LRRC27: variants seen among roughly 807,000 people sequenced by gnomAD.
The protein encoded by LRRC27 is leucine rich repeat containing 27.
A neutral mutation model predicts 55.0 loss-of-function variants in LRRC27; 57 were observed. The observed-to-expected ratio is 1.04, with a 90% confidence interval of 0.84 to 1.29. LRRC27 has a LOEUF of 1.29. Ranked by LOEUF, LRRC27 falls within the 50% of genes most tolerant of loss-of-function variation. The pLI, the probability that LRRC27 is intolerant of heterozygous loss-of-function variation, is 0.00. For synonymous variants in LRRC27, 278 were observed against 251.9 expected (o/e 1.10, Z -0.98); for missense variants, 721 against 651.5 (o/e 1.11, Z -1.16).
chr10:132,335,474 A>AT (rs138327237), intron 2 of LRRC27, among the ~76,000 whole-genome samples: 1,491 of 141,736 alleles, frequency 0.011, 32 homozygotes, highest in African/African-American at 0.04. Context: ...GCTGAGTACT[A>AT]TGGGGGGGGG....
Position 132,335,477 on chromosome 10 carries a change from G to T in LRRC27, c.210+1743G>T, listed in dbSNP as rs372539015. Among the ~76,000 whole-genome samples, 534 of 146,796 alleles carry T rather than the reference G, an allele frequency of 3.6e-3. 10 individuals are homozygous for T. Among genetic ancestry groups the T allele is most frequent in the Admixed American group, 0.03 (448 of 14,730 alleles). Reference sequence around the variant, plus strand: ...AGATCCTCAGAGGCTGAGTACTATGGGGGGGGGTCACAGTCTTCCTGGATG... The same window carrying T: ...AGATCCTCAGAGGCTGAGTACTATGTGGGGGGGTCACAGTCTTCCTGGATG... On this transcript the variant is annotated intron_variant, in intron 2 of 10. Coordinates refer to ENST00000368614, the MANE Select transcript of LRRC27 (RefSeq NM_030626.3).
intron 7 of LRRC27, 120 bp downstream of exon 7, chr10:132,351,873 C>A: frequency 8.4e-7 from 1 of 1,193,382 alleles, no homozygotes; most frequent in Non-Finnish European, 1.2e-6. Flanking sequence ...CTCACTGATG[C>A]TGATCCAGGA....
At chr10:132,339,562 G>T (rs1364020398) in intron 3 of LRRC27, among the ~76,000 whole-genome samples, 6 of 152,206 alleles carry the variant, frequency 3.9e-5, no homozygotes, top group Admixed American at 3.9e-4. Context: ...CCAGCCGCTT[G>T]TGTTTTGGGA....
intron 2 of LRRC27, 53 bp downstream of exon 2, chr10:132,333,787 A>G: frequency 7.3e-7 from 1 of 1,368,668 alleles, no homozygotes; most frequent in Non-Finnish European, 1.0e-6. Flanking sequence ...TATAGACAGA[A>G]ATGGGAATGT....
upstream of LRRC27, chr10:132,331,726 G>A (rs746061158): frequency 2.2e-5 from 36 of 1,612,260 alleles, no homozygotes; most frequent in African/African-American, 4.1e-4. Flanking sequence ...TCCCCAGACG[G>A]CACTTAGCAT....
At chr10:132,364,469 A>AT in intron 9 of LRRC27, among the ~76,000 whole-genome samples, 1 of 120,732 alleles carries the variant, frequency 8.3e-6, no homozygotes, top group African/African-American at 3.5e-5. Flanking sequence ...ACCCACCCAC[A>AT]CTTACACCCA....
At chr10:132,369,034 C>T (rs1181567700) in intron 10 of LRRC27, among the ~76,000 whole-genome samples, 1 of 152,182 alleles carries the variant, frequency 6.6e-6, no homozygotes, top group East Asian at 1.9e-4. Flanking sequence ...GATGGCAGAT[C>T]AGCATGTGAA....
intron 4 of LRRC27, among the ~76,000 whole-genome samples, chr10:132,344,056 A>G (rs1041823739): frequency 3.3e-5 from 5 of 152,128 alleles, no homozygotes; most frequent in Non-Finnish European, 5.9e-5. Context: ...ACATATTTAA[A>G]TGGTTGCTTT....
chr10:132,365,128 T>C (rs139017435), intron 9 of LRRC27, among the ~76,000 whole-genome samples: 3 of 152,394 alleles, frequency 2.0e-5, no homozygotes, highest in African/African-American at 4.8e-5. Flanking sequence ...AAATGTGTCA[T>C]ATCTTAAATC....
At position 132,375,306 on chromosome 10, in the gene LRRC27, C is replaced by T. The variant is rs992765485; in HGVS notation, c.*64C>T. On this transcript the variant is annotated 3_prime_UTR_variant, in exon 11 of 11. Coordinates refer to ENST00000368614, the MANE Select transcript of LRRC27 (RefSeq NM_030626.3). ...GAGCCGCTCAGTCTTCTTTCCCGGG[C>T]GTCGCCTCCTGTGTGGTGCCGGAAG... is the stretch of plus-strand genomic sequence containing the variant. The T allele has an allele frequency of 4.0e-5, 60 of 1,489,008 alleles. 1 individual carries two copies. The South Asian group carries it at 6.5e-4, about 16-fold the overall frequency. The allele number at this position is 1,489,008 out of a possible 1,614,324, so 92.2% of individuals were successfully genotyped here. A position where few individuals can be genotyped will look rare whatever the true frequency, so the allele number is the denominator to read the frequency against.
chr10:132,357,852 C>T (rs1038019741), intron 8 of LRRC27, among the ~76,000 whole-genome samples: 20 of 152,196 alleles, frequency 1.3e-4, no homozygotes, highest in Admixed American at 7.2e-4. Flanking sequence ...GCCCTGCCCA[C>T]GGGAGCGCGC....
At chr10:132,359,726 T>A (rs1300710310) in intron 8 of LRRC27, among the ~76,000 whole-genome samples, 2 of 152,264 alleles carry the variant, frequency 1.3e-5, no homozygotes, top group Non-Finnish European at 2.9e-5. Context: ...TGTGGCTGGG[T>A]GAAGCCTGGG....
At position 132,348,875 on chromosome 10, in the gene LRRC27, G is replaced by A. The variant is rs146952484; in HGVS notation, c.926+519G>A. 7 of 879,946 alleles carry A rather than the reference G, an allele frequency of 8.0e-6. No individual in the cohort carries two copies. The African/African-American group carries it at 1.0e-4, about 13-fold the overall frequency. The allele number at this position is 879,946 out of a possible 1,614,324, so 54.5% of individuals were successfully genotyped here. On this transcript the variant is annotated intron_variant, in intron 6 of 10. Transcript: ENST00000368614. The surrounding 1 kb of genome is among the most constrained non-coding windows in gnomAD (Gnocchi z 4.2). ...GCTGCCTGGGGACAAAAGGAAGGCA[G>A]TCATTGTGTGGCCCACTTCCAAAGC...
chr10:132,334,607 T>A (rs1395133588), intron 2 of LRRC27, among the ~76,000 whole-genome samples: 1 of 152,228 alleles, frequency 6.6e-6, no homozygotes, highest in Non-Finnish European at 1.5e-5. Flanking sequence ...GCTTAAGTTA[T>A]AAACTCTACA....
chr10:132,360,637 C>T (rs908777888), intron 8 of LRRC27, among the ~76,000 whole-genome samples: 2 of 152,028 alleles, frequency 1.3e-5, no homozygotes, highest in Non-Finnish European at 2.9e-5. Flanking sequence ...CAGGCATGTA[C>T]TAGGATTAAA....
rs548810345 is a variant in LRRC27, at chr10:132,374,232, T to C, written c.1417-834T>C. Among the ~76,000 whole-genome samples the C allele has an allele frequency of 4.0e-5, 6 of 148,990 alleles. No homozygotes were observed. The East Asian group carries it at 1.2e-3, about 30-fold the overall frequency. On this transcript the variant is annotated intron_variant, in intron 10 of 10. Transcript: ENST00000368614. This position sits in a 1 kb window ranked among gnomAD's most constrained non-coding sequence, Gnocchi z 4.4. Reference sequence around the variant, plus strand: ...TGGCTCCAGGGACCTGCTGTGATTATGTCTGTATGGGGCGGGGAGGCTGCA... The same window carrying C: ...TGGCTCCAGGGACCTGCTGTGATTACGTCTGTATGGGGCGGGGAGGCTGCA...
At chr10:132,336,846 G>A in intron 2 of LRRC27, 1 of 746,040 alleles carries the variant, frequency 1.3e-6, no homozygotes, top group Non-Finnish European at 2.5e-6. Context: ...TAAACAACTA[G>A]CAGCATTAAT....
chr10:132,368,110 C>T (rs1443940034), intron 10 of LRRC27, among the ~76,000 whole-genome samples: 1 of 151,992 alleles, frequency 6.6e-6, no homozygotes, highest in Non-Finnish European at 1.5e-5. Flanking sequence ...TAAATTAGCA[C>T]CAAAACAATG....
At position 132,372,988 on chromosome 10, in the gene LRRC27, C is replaced by T. The variant is rs1254015454; in HGVS notation, c.1417-2078C>T. Among the ~76,000 whole-genome samples, 2 of 152,050 alleles carry T rather than the reference C, an allele frequency of 1.3e-5. No individual in the cohort carries two copies. Among genetic ancestry groups the T allele is most frequent in the African/African-American group, 2.4e-5 (1 of 41,382 alleles). On this transcript the variant is annotated intron_variant, in intron 10 of 10. Coordinates refer to ENST00000368614, the MANE Select transcript of LRRC27 (RefSeq NM_030626.3). This position sits in a 1 kb window ranked among gnomAD's most constrained non-coding sequence, Gnocchi z 4.0. ...AGGTGAGGGAGAGGCCAAAGCCAGC[C>T]GGCTGGGGAGCGAGCTTCGAATGGA... is the stretch of plus-strand genomic sequence containing the variant.
Sources: gnomAD v4.1 joint callset for allele counts (sites outside exome capture counted in the v4.1 genomes callset) on GRCh38, gnomAD v4.1.1 for gene constraint, Gnocchi (gnomAD v3.1) non-coding constraint, MANE v1.5 for transcripts, NCBI Gene and HGNC (gene_info 2026-07-23, HGNC 2026-07-21) for gene names.